The following NF2 variants were observed in gnomAD, a reference collection of about 807,000 sequenced individuals.
The protein encoded by NF2 is merlin.
A neutral mutation model predicts 83.7 loss-of-function variants in NF2; 8 were observed. The observed-to-expected ratio is 0.10, with a 90% CI of 0.06 to 0.17. The LOEUF is 0.17. Ranked by LOEUF, NF2 falls within the 10% of genes least tolerant of loss-of-function variation. The pLI, the probability that NF2 is intolerant of heterozygous loss-of-function variation, is 1.00. For missense variants in NF2, 533 were observed against 744.4 expected (o/e 0.72, Z 3.31); for synonymous variants, 266 against 269.6 (o/e 0.99, Z 0.13).
At chr22:29,663,574 A>G (rs562934297) in intron 8 of NF2, among the ~76,000 whole-genome samples, 1 of 152,240 alleles carries the variant, frequency 6.6e-6, no homozygotes, top group Non-Finnish European at 1.5e-5. Context: ...TGGTTTCCCA[A>G]TGACAGCTCC....
In NF2 at chr22:29,681,482, A is replaced by G. The variant is rs1272126376; in HGVS notation, c.1618A>G (p.Asn540Asp). 5 of 1,614,196 alleles carry G rather than the reference A, an allele frequency of 3.1e-6. No homozygotes were observed. Among genetic ancestry groups the G allele is most frequent in the South Asian group, 1.1e-5 (1 of 91,082 alleles). The part of the protein sequence containing the change: ...EKSKHLQEQL[N>D]ELKTEIEALK... ...GAGCAAGCATCTGCAGGAGCAGCTC[A>G]ATGAACTCAAGACAGAAATCGAGGC... Residue 540 changes from asparagine (N) to aspartate (D), a missense_variant, in exon 15 of 16, where the codon AAT becomes GAT. Around this residue, in one of 3 missense-constraint regions of NF2, gnomAD observed 199 missense variants for 240.7 expected, o/e 0.83. Transcript: ENST00000338641.
chr22:29,687,602 T>C (rs2147145655), intron 15 of NF2, among the ~76,000 whole-genome samples: 1 of 152,206 alleles, frequency 6.6e-6, no homozygotes, highest in South Asian at 2.1e-4. Flanking sequence ...TTACTTAAGT[T>C]TAATAGGTAG....
chr22:29,681,834 A>AC (rs2067145925), intron 15 of NF2, among the ~76,000 whole-genome samples: 1 of 152,158 alleles, frequency 6.6e-6, no homozygotes, highest in South Asian at 2.1e-4. Flanking sequence ...GATGTAATGA[A>AC]CCCCTGTTAC....
chr22:29,658,416 T>C, intron 7 of NF2, 152 bp downstream of exon 7: 1 of 765,522 alleles, frequency 1.3e-6, no homozygotes, highest in Non-Finnish European at 2.3e-6. Flanking sequence ...GAGGTCTTAG[T>C]GCCTAACTTT....
chr22:29,639,361 A>G, intron 3 of NF2, 149 bp downstream of exon 3: 2 of 970,544 alleles, frequency 2.1e-6, no homozygotes, highest in African/African-American at 3.2e-5. Flanking sequence ...TAATGGAAAA[A>G]AGGCTTCAGA....
intron 13 of NF2, among the ~76,000 whole-genome samples, chr22:29,675,909 G>A (rs758412787): frequency 1.3e-5 from 2 of 152,208 alleles, no homozygotes; most frequent in Non-Finnish European, 2.9e-5. Flanking sequence ...GCTGCCCAGG[G>A]TTTGAGGTGG....
chr22:29,633,437 T>C (rs1034750785), intron 1 of NF2, among the ~76,000 whole-genome samples: 5 of 152,156 alleles, frequency 3.3e-5, no homozygotes, highest in African/African-American at 1.2e-4. Context: ...TCTGCCTCTT[T>C]TCCGTTTCTC....
chr22:29,644,915 G>A, intron 4 of NF2, among the ~76,000 whole-genome samples: 1 of 150,512 alleles, frequency 6.6e-6, no homozygotes, highest in Non-Finnish European at 1.5e-5. Context: ...ACCGTGGAAA[G>A]AGAGGGAGAG....
intron 2 of NF2, 151 bp from the exon 3 acceptor site, chr22:29,638,939 A>G (rs2065722761): frequency 8.9e-7 from 1 of 1,127,280 alleles, no homozygotes; most frequent in Non-Finnish European, 1.3e-6. Context: ...GACTTTGTGA[A>G]TACTTCAAAC....
chr22:29,619,630 C>T (rs867148662), intron 1 of NF2, among the ~76,000 whole-genome samples: 1 of 151,136 alleles, frequency 6.6e-6, no homozygotes, highest in Non-Finnish European at 1.5e-5. Flanking sequence ...CTCCTGACCT[C>T]ATGATCTGCC....
chr22:29,636,712 T>C lies in NF2; in HGVS notation c.115-39T>C, dbSNP rs2146850711. 1 of 1,614,020 alleles carries C rather than the reference T, an allele frequency of 6.2e-7. No individual in the cohort carries two copies. On this transcript the variant is annotated intron_variant, in intron 1 of 15. Coordinates refer to ENST00000338641, the MANE Select transcript of NF2 (RefSeq NM_000268.4). This position sits in a 1 kb window ranked among gnomAD's most constrained non-coding sequence, Gnocchi z 4.4. Reference sequence around the variant, plus strand: ...AGAGAAAAGGTTTTATTAATGATTTTTGCTCACAGTGTCCTTCCCCATTGG... The same window carrying C: ...AGAGAAAAGGTTTTATTAATGATTTCTGCTCACAGTGTCCTTCCCCATTGG...
chr22:29,688,743 G>A (rs1392986769), intron 15 of NF2, among the ~76,000 whole-genome samples: 3 of 152,208 alleles, frequency 2.0e-5, no homozygotes, highest in Non-Finnish European at 4.4e-5. Flanking sequence ...AGATAAAGTC[G>A]CTAATAACAA....
chr22:29,669,167 C>T (rs1347746964), intron 10 of NF2, among the ~76,000 whole-genome samples: 3 of 152,166 alleles, frequency 2.0e-5, no homozygotes, highest in Admixed American at 1.3e-4. Flanking sequence ...GATTTGGATA[C>T]ATTGGAGAGG....
At chr22:29,652,539 T>TA (rs552788831) in intron 4 of NF2, among the ~76,000 whole-genome samples, 109 of 152,266 alleles carry the variant, frequency 7.2e-4, no homozygotes, top group African/African-American at 2.3e-3. Context: ...CAACTTCAGG[T>TA]GATCTGCCCG....
At chr22:29,622,641 C>A (rs867225056) in intron 1 of NF2, among the ~76,000 whole-genome samples, 1 of 147,450 alleles carries the variant, frequency 6.8e-6, no homozygotes, top group South Asian at 2.1e-4. Context: ...TTTGGAAGAC[C>A]CTGTATTTTT....
chr22:29,694,013 C>G lies in NF2; in HGVS notation c.1738-739C>G, dbSNP rs1458800809. ...AGTCAAGGGCTTAGGAGGTTGCAAACCTCACTATGCCAAGAGCTCGGTCCC... is the reference window on the plus strand; with the variant it reads ...AGTCAAGGGCTTAGGAGGTTGCAAAGCTCACTATGCCAAGAGCTCGGTCCC... On this transcript the variant is annotated intron_variant, in intron 15 of 15. Coordinates refer to ENST00000338641, the MANE Select transcript of NF2 (RefSeq NM_000268.4). The surrounding 1 kb of genome is among the most constrained non-coding windows in gnomAD (Gnocchi z 4.1). Among the ~76,000 whole-genome samples, 7 of 152,178 alleles carry G rather than the reference C, an allele frequency of 4.6e-5. No homozygotes were observed. The highest frequency in any genetic ancestry group is 4.6e-4 in the Admixed American group (7 of 15,280).
chr22:29,613,529 TC>T, intron 1 of NF2, among the ~76,000 whole-genome samples: 1 of 152,150 alleles, frequency 6.6e-6, no homozygotes, highest in South Asian at 2.1e-4. Context: ...AGATTCCATT[TC>T]AAAAAAATAA....
chr22:29,689,632 C>T (rs535565611), intron 15 of NF2, among the ~76,000 whole-genome samples: 6 of 152,262 alleles, frequency 3.9e-5, no homozygotes, highest in Non-Finnish European at 7.4e-5. Context: ...CTTCTTTTCT[C>T]CTCCCCTGGG....
In NF2 at chr22:29,668,296, T is replaced by C. The variant is rs377400068; in HGVS notation, c.886-37T>C. 3 of 1,517,314 alleles carry C rather than the reference T, an allele frequency of 2.0e-6. No homozygotes were observed. The African/African-American group carries it at 4.1e-5, about 21-fold the overall frequency. The allele number at this position is 1,517,314 out of a possible 1,614,324, so 94.0% of individuals were successfully genotyped here. On this transcript the variant is annotated intron_variant, in intron 9 of 15. Coordinates refer to ENST00000338641, the MANE Select transcript of NF2 (RefSeq NM_000268.4). The stretch of plus-strand genomic sequence containing the variant: ...GCCAGTAGGCAGTGAAGTAAATTTG[T>C]GGATATTAACCTTTTTGTCTGCTTC...
Sources: allele counts gnomAD v4.1 joint callset (sites outside exome capture counted in the v4.1 genomes callset), GRCh38; gene constraint gnomAD v4.1.1; regional missense constraint gnomAD v4.1.1; non-coding constraint Gnocchi (gnomAD v3.1); transcripts MANE v1.5; gene names NCBI Gene and HGNC (gene_info 2026-07-23, HGNC 2026-07-21).